Variants in MMP2 observed in about 807,000 individuals in gnomAD.
The protein encoded by MMP2 is matrix metallopeptidase 2.
Under a neutral mutation model 74.8 loss-of-function variants are expected in MMP2, and 39 were observed. The observed-to-expected ratio is 0.52, with a 90% CI of 0.40 to 0.68. The LOEUF (loss-of-function observed/expected upper bound fraction) is 0.68, where lower values mean the gene tolerates loss of function less well. Among genes scored for constraint, MMP2 ranks in the 30% least tolerant of loss-of-function variants. MMP2 has a pLI of 0.00. For missense variants in MMP2, 803 were observed against 878.3 expected (o/e 0.91, Z 1.08); for synonymous variants, 367 against 339.8 (o/e 1.08, Z -0.88).
intron 8 of MMP2, among the ~76,000 whole-genome samples, 165 bp from the exon 9 acceptor site, chr16:55,492,993 C>T (rs752208590): frequency 1.3e-5 from 2 of 152,172 alleles, no homozygotes; most frequent in Admixed American, 6.5e-5. Context: ...GGCCCCAGGA[C>T]TCCCCAAGTC....
intron 5 of MMP2, among the ~76,000 whole-genome samples, chr16:55,486,347 C>CTGTGTGTGTG (rs57608135): frequency 0.067 from 9,170 of 137,454 alleles, 514 homozygotes; most frequent in Non-Finnish European, 0.082. Context: ...GTGTGTGTGC[C>CTGTGTGTGTG]TGTGTGTGTG....
At chr16:55,503,722 G>A (rs1962726346) in intron 12 of MMP2, among the ~76,000 whole-genome samples, 1 of 152,188 alleles carries the variant, frequency 6.6e-6, no homozygotes, top group Non-Finnish European at 1.5e-5. Flanking sequence ...AGCTCCATGT[G>A]TCAGGCAGGT....
intron 8 of MMP2, 27 bp downstream of exon 8, chr16:55,491,983 T>TG: frequency 9.4e-7 from 1 of 1,061,194 alleles, no homozygotes; most frequent in East Asian, 3.7e-5. Flanking sequence ...GGGTTGGGGG[T>TG]GGAGGGTGAG....
intron 1 of MMP2, among the ~76,000 whole-genome samples, chr16:55,480,822 C>G (rs1426142820): frequency 1.3e-5 from 2 of 152,176 alleles, no homozygotes; most frequent in Non-Finnish European, 2.9e-5. Flanking sequence ...TAGGTCTCAG[C>G]CCCCTCTGGA....
intron 5 of MMP2, chr16:55,486,540 A>G (rs1372915614): frequency 1.3e-5 from 2 of 152,162 alleles, no homozygotes; most frequent in African/African-American, 4.8e-5. Context: ...CTGAGATGCA[A>G]CATTTCAGAG....
intron 2 of MMP2, among the ~76,000 whole-genome samples, chr16:55,483,805 C>A (rs1328062947): frequency 6.6e-6 from 1 of 152,184 alleles, no homozygotes; most frequent in Non-Finnish European, 1.5e-5. Context: ...GCAGTGAGCC[C>A]TGCCCAGCCT....
At chr16:55,499,168 C>CAA (rs57058103) in intron 11 of MMP2, among the ~76,000 whole-genome samples, 92,310 of 131,596 alleles carry the variant, frequency 0.7, 33,685 homozygotes, top group Non-Finnish European at 0.82. Context: ...GACTCCAACT[C>CAA]AAAAAAAAAA....
In MMP2 at chr16:55,488,653, C is replaced by G; in HGVS notation, c.943C>G (p.Arg315Gly). 1 of 1,613,358 alleles carries G rather than the reference C, an allele frequency of 6.2e-7. No individual in the cohort carries two copies. The highest frequency in any genetic ancestry group is 8.5e-7 in the Non-Finnish European group (1 of 1,179,778). ...CACTGAGGGCCGCACGGATGGCTAC[C>G]GCTGGTGCGGCACCACTGAGGACTA... Reference protein sequence around the residue: ...CTTEGRTDGYRWCGTTEDYDR... With the variant: ...CTTEGRTDGYGWCGTTEDYDR... The change falls in exon 6 of 13, where the codon CGC becomes GGC. Residue 315 changes from arginine to glycine, a missense_variant. By Grantham distance (125) the Arg-to-Gly change is moderately radical (BLOSUM62 -2). This residue lies in a region of MMP2 where 555 missense variants were observed against 592.0 expected (regional missense o/e 0.94). Coordinates refer to ENST00000219070, the MANE Select transcript of MMP2 (RefSeq NM_004530.6).
rs1327175561 is a variant in MMP2, at chr16:55,483,046, G to A, written c.291G>A (p.Met97Ile). ...TTGACCAGAATACCATCGAGACCAT[G>A]CGGAAGCCACGCTGCGGCAACCCAG... Reference protein sequence around the residue: ...GDLDQNTIETMRKPRCGNPDV... With the variant: ...GDLDQNTIETIRKPRCGNPDV... The change falls in exon 2 of 13, where the codon ATG (methionine) becomes ATA (isoleucine). Residue 97 changes from methionine (M) to isoleucine (I), a missense_variant. By Grantham distance (10) the Met-to-Ile change is conservative (BLOSUM62 1). Transcript: ENST00000219070. The A allele has an allele frequency of 1.9e-6, 3 of 1,614,178 alleles. No homozygotes were observed. In the South Asian group the frequency reaches 3.3e-5, roughly 18 times the overall value.
At position 55,490,868 on chromosome 16, in the gene MMP2, A is replaced by G. The variant is rs571065342; in HGVS notation, c.1181-933A>G. On this transcript the variant is annotated intron_variant, in intron 7 of 12. Transcript: ENST00000219070. ...CAGTGGCTCACCCAGGGTGAATATT[A>G]TAGTCTCCTGGGGCTGCCATGACAA... 4.6e-5 allele frequency among the ~76,000 whole-genome samples: 7 copies of G among 152,212 alleles called. No individual in the cohort carries two copies. In the East Asian group the frequency reaches 5.8e-4, roughly 13 times the overall value.
Position 55,479,233 on chromosome 16 carries a change from C to A in MMP2, c.-247C>A. The stretch of plus-strand genomic sequence containing the variant: ...GACTTCCTCAGGCGGTGGCTGGAGG[C>A]TGCGCATCTGGGGCTTTAAACATAC... On this transcript the variant is annotated 5_prime_UTR_variant, in exon 1 of 13. In the 5' UTR this introduces an upstream ATG that the reference lacks. Coordinates refer to ENST00000219070, the MANE Select transcript of MMP2 (RefSeq NM_004530.6). 3.4e-6 allele frequency: 1 copy of A among 291,036 alleles called. No homozygotes were observed. The highest frequency in any genetic ancestry group is 1.4e-4 in the South Asian group (1 of 7,012). The allele number at this position is 291,036 out of a possible 1,614,324, so 18.0% of individuals were successfully genotyped here.
chr16:55,502,685 T>C, intron 11 of MMP2, 94 bp from the exon 12 acceptor site: 4 of 1,124,730 alleles, frequency 3.6e-6, no homozygotes, highest in Non-Finnish European at 5.4e-6. Flanking sequence ...CCGAGGCCTA[T>C]CCAGGAGCCA....
chr16:55,479,764 G>A (rs945098867), intron 1 of MMP2, 132 bp downstream of exon 1: 3 of 1,159,296 alleles, frequency 2.6e-6, no homozygotes, highest in Admixed American at 2.0e-5. Context: ...ACAGCTTGGG[G>A]GGTCTTTGGC....
At chr16:55,494,114 A>G (rs1206590072) in intron 9 of MMP2, among the ~76,000 whole-genome samples, 4 of 152,122 alleles carry the variant, frequency 2.6e-5, no homozygotes, top group Non-Finnish European at 5.9e-5. Flanking sequence ...TCTATTATCC[A>G]TTATTTATGA....
chr16:55,486,322 C>CGTGTGT lies in MMP2; in HGVS notation c.832+563_832+568dup, dbSNP rs35367564. ...GGTCCTGATGCTGCCTCTGCTAATG[C>CGTGTGT]GTGTGTGTGTGTGTGTGTGTGTGCC... On this transcript the variant is annotated intron_variant, in intron 5 of 12. Coordinates refer to ENST00000219070, the MANE Select transcript of MMP2 (RefSeq NM_004530.6). Among the ~76,000 whole-genome samples, 531 of 128,016 alleles carry CGTGTGT rather than the reference C, an allele frequency of 4.1e-3. 3 individuals are homozygous for CGTGTGT. The highest frequency in any genetic ancestry group is 0.014 in the African/African-American group (483 of 33,782). 84.0% of individuals were successfully genotyped at this position (128,016 alleles called of 152,430 possible). A position where few individuals can be genotyped will look rare whatever the true frequency, so the allele number is the denominator to read the frequency against.
chr16:55,501,695 G>C lies in MMP2; in HGVS notation c.1770-1084G>C, dbSNP rs17859994. Reference sequence around the variant, plus strand: ...TTGAGGGAGAAGTCTCCTCTAGAAGGGAGCATATAGGGAAAGCTGCTGTTG... The same window carrying C: ...TTGAGGGAGAAGTCTCCTCTAGAAGCGAGCATATAGGGAAAGCTGCTGTTG... On this transcript the variant is annotated intron_variant, in intron 11 of 12. Transcript: ENST00000219070. Among the ~76,000 whole-genome samples, 155 of 152,252 alleles carry C rather than the reference G, an allele frequency of 1.0e-3. 6 individuals are homozygous for C. In the South Asian group the frequency reaches 0.031, roughly 31 times the overall value.
At position 55,489,205 on chromosome 16, in the gene MMP2, C is replaced by T. The variant is rs555226381; in HGVS notation, c.1007-446C>T. On this transcript the variant is annotated intron_variant, in intron 6 of 12. Coordinates refer to ENST00000219070, the MANE Select transcript of MMP2 (RefSeq NM_004530.6). ...CTTCCTCCAACAGGAATTTACTGAG[C>T]GCCTGCTTTGTGCAGCATACACAGA... Among the ~76,000 whole-genome samples, 7 of 152,288 alleles carry T rather than the reference C, an allele frequency of 4.6e-5. No homozygotes were observed. The East Asian group carries it at 7.7e-4, about 17-fold the overall frequency.
chr16:55,491,957 GT>G lies in MMP2; in HGVS notation c.1336+2del. 7.2e-7 allele frequency: 1 copy of G among 1,390,042 alleles called. No individual in the cohort carries two copies. The highest frequency in any genetic ancestry group is 9.8e-7 in the Non-Finnish European group (1 of 1,019,752). The allele number at this position is 1,390,042 out of a possible 1,614,324, so 86.1% of individuals were successfully genotyped here. On this transcript the variant is annotated splice_donor_variant, in intron 8 of 12. Coordinates refer to ENST00000219070, the MANE Select transcript of MMP2 (RefSeq NM_004530.6). LOFTEE classifies it high-confidence loss of function. Reference sequence around the variant, plus strand: ...ATCAAGGGCATTCAGGAGCTCTATGGTAAACCTCCGGGCGGGGGTTGGGGGT... The same window carrying G: ...ATCAAGGGCATTCAGGAGCTCTATGGAAACCTCCGGGCGGGGGTTGGGGGT...
chr16:55,485,238 G>A (rs1596810634), intron 3 of MMP2, 61 bp from the exon 4 acceptor site: 32 of 1,515,860 alleles, frequency 2.1e-5, no homozygotes, highest in East Asian at 2.8e-5. Context: ...TAGATGGGGT[G>A]TGGAGGGGTT....
Sources: gnomAD v4.1 joint callset for allele counts (sites outside exome capture counted in the v4.1 genomes callset) on GRCh38, gnomAD v4.1.1 for gene constraint, gnomAD v4.1.1 regional missense constraint, MANE v1.5 for transcripts, NCBI Gene and HGNC (gene_info 2026-07-23, HGNC 2026-07-21) for gene names.